Variants in FRMD4B observed in about 807,000 individuals in gnomAD.
The protein encoded by FRMD4B is FERM domain containing 4B.
A neutral mutation model predicts 141.5 loss-of-function variants in FRMD4B; 74 were observed. The ratio of observed to expected loss-of-function variants is 0.52; its 90% CI spans 0.43 to 0.63. The LOEUF (loss-of-function observed/expected upper bound fraction) is 0.63, where lower values mean the gene tolerates loss of function less well. Among genes scored for constraint, FRMD4B ranks in the 30% least tolerant of loss-of-function variants. The pLI is 0.00. For missense variants in FRMD4B, 1,366 were observed against 1,253.4 expected (o/e 1.09, Z -1.36); for synonymous variants, 506 against 467.9 (o/e 1.08, Z -1.05).
chr3:69,198,496 A>G lies in FRMD4B; in HGVS notation c.953+202T>C. ...CATATACTGCTGCTTGGGATGTAAA[A>G]TGGTGCAGCACTTTGAAAAGCAGCC... On this transcript the variant is annotated intron_variant, in intron 12 of 22. Coordinates refer to ENST00000398540, the MANE Select transcript of FRMD4B (RefSeq NM_015123.3). 1.1e-5 allele frequency: 6 copies of G among 553,620 alleles called. No homozygotes were observed. In the South Asian group the frequency reaches 1.5e-4, roughly 14 times the overall value. 34.3% of individuals were successfully genotyped at this position (553,620 alleles called of 1,614,324 possible). A position where few individuals can be genotyped will look rare whatever the true frequency, so the allele number is the denominator to read the frequency against.
chr3:69,455,586 C>G (rs1486593058), intron 1 of FRMD4B, among the ~76,000 whole-genome samples: 2 of 152,154 alleles, frequency 1.3e-5, no homozygotes, highest in South Asian at 2.1e-4. Flanking sequence ...TCAGAAGGAA[C>G]AAACCCTGGA....
chr3:69,330,549 G>T (rs1391006437), intron 1 of FRMD4B, among the ~76,000 whole-genome samples: 1 of 151,436 alleles, frequency 6.6e-6, no homozygotes, highest in Admixed American at 6.6e-5. Flanking sequence ...GTTTCATCAT[G>T]TTGGTCAGGC....
chr3:69,224,183 A>C (rs1306430275), intron 8 of FRMD4B, among the ~76,000 whole-genome samples: 1 of 152,232 alleles, frequency 6.6e-6, no homozygotes, highest in African/African-American at 2.4e-5. Flanking sequence ...CAATATATAC[A>C]ATATCTAGCT....
Position 69,194,718 on chromosome 3 carries a change from A to G in FRMD4B, c.1488+304T>C, listed in dbSNP as rs533043296. Among the ~76,000 whole-genome samples the G allele has an allele frequency of 4.6e-5, 7 of 152,352 alleles. No individual in the cohort carries two copies. The South Asian group carries it at 1.4e-3, about 32-fold the overall frequency. Reference sequence around the variant, plus strand: ...GAGGCTAAACTATTTGACAAAGGCTATTATTTAGTTTTAAGTAAACAAACC... The same window carrying G: ...GAGGCTAAACTATTTGACAAAGGCTGTTATTTAGTTTTAAGTAAACAAACC... On this transcript the variant is annotated intron_variant, in intron 16 of 22. Transcript: ENST00000398540.
chr3:69,497,176 C>A lies in FRMD4B; in HGVS notation c.-129+45030G>T, dbSNP rs145761688. Among the ~76,000 whole-genome samples the A allele has an allele frequency of 6.5e-3, 993 of 152,224 alleles. 3 individuals carry two copies. Among genetic ancestry groups the A allele is most frequent in the Middle Eastern group, 0.014 (4 of 294 alleles). Reference sequence around the variant, plus strand: ...AGCTATCCCATCTTAGAATGAATCCCAGAATGGAGAAAATATTTGGAGCAG... The same window carrying A: ...AGCTATCCCATCTTAGAATGAATCCAAGAATGGAGAAAATATTTGGAGCAG... On this transcript the variant is annotated intron_variant, in intron 1 of 5. Transcript: ENST00000459638.
intron 1 of FRMD4B, among the ~76,000 whole-genome samples, chr3:69,457,117 AAAAG>A (rs1302429445): frequency 6.6e-6 from 1 of 152,236 alleles, no homozygotes; most frequent in Non-Finnish European, 1.5e-5. Flanking sequence ...TTATTTTTGC[AAAAG>A]AAAGACATGA....
intron 18 of FRMD4B, among the ~76,000 whole-genome samples, chr3:69,188,768 A>ACAAAAAC (rs2107623683): frequency 6.6e-6 from 1 of 151,258 alleles, no homozygotes; most frequent in East Asian, 2.0e-4. Context: ...CGTCTCAAAA[A>ACAAAAAC]AAAAAAAAAA....
intron 1 of FRMD4B, among the ~76,000 whole-genome samples, chr3:69,443,089 G>C (rs556934251): frequency 6.6e-6 from 1 of 152,256 alleles, no homozygotes; most frequent in South Asian, 2.1e-4. Context: ...CTTCAGGGTG[G>C]GGGCTGGTTG....
chr3:69,455,387 C>T (rs992186787), intron 1 of FRMD4B, among the ~76,000 whole-genome samples: 9 of 152,192 alleles, frequency 5.9e-5, no homozygotes, highest in African/African-American at 7.2e-5. Flanking sequence ...GTAACACTCA[C>T]GGCAAAGGTC....
intron 1 of FRMD4B, among the ~76,000 whole-genome samples, chr3:69,352,691 C>G (rs566448825): frequency 2.5e-4 from 38 of 152,270 alleles, no homozygotes; most frequent in African/African-American, 8.9e-4. Flanking sequence ...GGATGTAGGA[C>G]TTCCTCTGAC....
Position 69,409,851 on chromosome 3 carries a change from T to A in FRMD4B, c.-1+22783A>T, listed in dbSNP as rs530795866. On this transcript the variant is annotated intron_variant, in intron 2 of 5. Transcript: ENST00000459638. ...AAGCCCACATGTGGGGAAAGCAGAG[T>A]AGAGAGAATTCAGAGAACACTGGCA... is the stretch of plus-strand genomic sequence containing the variant. 2.4e-4 allele frequency among the ~76,000 whole-genome samples: 37 copies of A among 151,670 alleles called. No individual in the cohort carries two copies. In the South Asian group the frequency reaches 7.5e-3, roughly 31 times the overall value.
chr3:69,462,164 A>G (rs1705717170), intron 1 of FRMD4B, among the ~76,000 whole-genome samples: 1 of 152,142 alleles, frequency 6.6e-6, no homozygotes, highest in African/African-American at 2.4e-5. Context: ...AAGGATGCCA[A>G]AACATGGTGT....
At chr3:69,497,971 T>A (rs892063624) in intron 1 of FRMD4B, among the ~76,000 whole-genome samples, 1 of 152,198 alleles carries the variant, frequency 6.6e-6, no homozygotes, top group Non-Finnish European at 1.5e-5. Flanking sequence ...CACCATTCCC[T>A]AAGAAATAGC....
intron 1 of FRMD4B, among the ~76,000 whole-genome samples, chr3:69,452,855 A>G (rs1411824104): frequency 6.6e-6 from 1 of 152,236 alleles, no homozygotes; most frequent in African/African-American, 2.4e-5. Context: ...CATTAATAAA[A>G]GTAAGAAAGA....
In FRMD4B at chr3:69,537,525, T is replaced by G. The variant is rs558837853; in HGVS notation, c.-129+4681A>C. Among the ~76,000 whole-genome samples the G allele has an allele frequency of 5.3e-5, 8 of 152,332 alleles. No individual in the cohort carries two copies. The East Asian group carries it at 1.5e-3, about 29-fold the overall frequency. The stretch of plus-strand genomic sequence containing the variant: ...ATGTCTTCCAAGATTTGCACATAAA[T>G]GAAAACAGGATCACGATCACCCCCT... On this transcript the variant is annotated intron_variant, in intron 1 of 5. Transcript: ENST00000459638.
At chr3:69,366,452 G>A (rs1191648932) in intron 1 of FRMD4B, among the ~76,000 whole-genome samples, 1 of 103,382 alleles carries the variant, frequency 9.7e-6, no homozygotes, top group Non-Finnish European at 2.0e-5. Context: ...AAATTATGTG[G>A]GGTGATCTCA....
intron 1 of FRMD4B, among the ~76,000 whole-genome samples, chr3:69,345,968 C>A (rs1702925267): frequency 6.6e-6 from 1 of 152,104 alleles, no homozygotes. Flanking sequence ...AGCAATGCAA[C>A]AAAGCTGGAC....
intron 2 of FRMD4B, among the ~76,000 whole-genome samples, chr3:69,405,069 T>G (rs1344336198): frequency 3.3e-5 from 5 of 152,210 alleles, no homozygotes; most frequent in African/African-American, 1.2e-4. Flanking sequence ...ATAACTAATT[T>G]AAGCAACCTG....
At chr3:69,500,406 G>A (rs187175731) in intron 1 of FRMD4B, among the ~76,000 whole-genome samples, 280 of 152,276 alleles carry the variant, frequency 1.8e-3, no homozygotes, top group African/African-American at 6.6e-3. Flanking sequence ...TCATTGCATT[G>A]AGTGGGTCAT....
Sources: gnomAD v4.1 joint callset for allele counts (sites outside exome capture counted in the v4.1 genomes callset) on GRCh38, gnomAD v4.1.1 for gene constraint, MANE v1.5 for transcripts, NCBI Gene and HGNC (gene_info 2026-07-23, HGNC 2026-07-21) for gene names.